The following PRKN variants were observed in gnomAD, a reference collection of about 807,000 sequenced individuals.
The protein encoded by PRKN is parkin RBR E3 ubiquitin protein ligase.
In PRKN, 56 loss-of-function variants were observed where a neutral mutation model predicts 59.5. The ratio of observed to expected loss-of-function variants is 0.94; its 90% CI spans 0.76 to 1.18. The LOEUF is 1.18. PRKN is among the 50% of genes most tolerant of loss of function. The probability of loss-of-function intolerance (pLI) is 0.00; values close to 1 mark genes in which losing one functional copy is unlikely to be tolerated. For synonymous variants in PRKN, 250 were observed against 222.1 expected (o/e 1.13, Z -1.12); for missense variants, 657 against 596.4 (o/e 1.10, Z -1.06).
At chr6:161,915,538 T>A (rs1236136807) in intron 6 of PRKN, among the ~76,000 whole-genome samples, 2 of 152,226 alleles carry the variant, frequency 1.3e-5, no homozygotes, top group East Asian at 3.8e-4. Context: ...ATCTCTTTTG[T>A]GTCAACCCTG....
intron 10 of PRKN, among the ~76,000 whole-genome samples, chr6:161,375,834 T>C (rs1785675263): frequency 6.6e-6 from 1 of 152,194 alleles, no homozygotes; most frequent in Non-Finnish European, 1.5e-5. Flanking sequence ...ACGCGCTGGC[T>C]TTAATGGAGA....
At chr6:162,727,516 GCGGCGCGGGCCGGGGA>G in intron 1 of PRKN, 130 bp downstream of exon 1, 1 of 892,920 alleles carries the variant, frequency 1.1e-6, no homozygotes, top group Admixed American at 2.5e-5. Context: ...GGGGAGCCCG[GCGGCGCGGGCCGGGGA>G]CGGCACGGGC....
In PRKN at chr6:161,499,866, T is replaced by G. The variant is rs753849997; in HGVS notation, c.1083+48988A>C. The stretch of plus-strand genomic sequence containing the variant: ...TTGGATGCCAAAATGCTATGATTTC[T>G]GAAATGGTGTCCAGGAATAATACAA... On this transcript the variant is annotated intron_variant, in intron 9 of 11. Transcript: ENST00000366898. The surrounding 1 kb of genome is among the most constrained non-coding windows in gnomAD (Gnocchi z 4.2). Among the ~76,000 whole-genome samples, 1 of 152,220 alleles carries G rather than the reference T, an allele frequency of 6.6e-6. No homozygotes were observed. The highest frequency in any genetic ancestry group is 1.5e-5 in the Non-Finnish European group (1 of 68,044).
At chr6:161,604,974 T>C (rs1782226631) in intron 7 of PRKN, among the ~76,000 whole-genome samples, 1 of 152,176 alleles carries the variant, frequency 6.6e-6, no homozygotes, top group Non-Finnish European at 1.5e-5. Flanking sequence ...AGAGACACCA[T>C]AAAGGGATTT....
At chr6:161,893,378 G>T (rs111693450) in intron 6 of PRKN, among the ~76,000 whole-genome samples, 2 of 152,152 alleles carry the variant, frequency 1.3e-5, no homozygotes, top group Admixed American at 1.3e-4. Flanking sequence ...CTGTTCACAC[G>T]CCATGAAGTT....
intron 5 of PRKN, among the ~76,000 whole-genome samples, chr6:162,052,784 T>C (rs1014935657): frequency 2.1e-4 from 32 of 151,018 alleles, no homozygotes; most frequent in African/African-American, 7.5e-4. Context: ...CCCTAAAAAC[T>C]TGTAAGCATA....
intron 9 of PRKN, among the ~76,000 whole-genome samples, chr6:161,476,974 T>C (rs1791114843): frequency 6.6e-6 from 1 of 152,190 alleles, no homozygotes; most frequent in Admixed American, 6.5e-5. Context: ...GCAGTTCTAA[T>C]GAGGCAGTAA....
chr6:161,891,392 T>A (rs1007899246), intron 6 of PRKN, among the ~76,000 whole-genome samples: 1 of 152,248 alleles, frequency 6.6e-6, no homozygotes. Context: ...GAAGCTGAGA[T>A]GCCAGTGAGT....
chr6:162,480,796 T>C (rs2128182081), intron 1 of PRKN, among the ~76,000 whole-genome samples: 1 of 152,172 alleles, frequency 6.6e-6, no homozygotes, highest in South Asian at 2.1e-4. Flanking sequence ...AAGGAGACAG[T>C]GTATTTTAAC....
At chr6:161,671,425 T>C (rs1338563603) in intron 7 of PRKN, among the ~76,000 whole-genome samples, 3 of 152,190 alleles carry the variant, frequency 2.0e-5, no homozygotes, top group South Asian at 2.1e-4. Context: ...ATCCGCGGCA[T>C]GGAGCTTCTT....
intron 2 of PRKN, among the ~76,000 whole-genome samples, chr6:162,396,146 G>T (rs1787464047): frequency 6.6e-6 from 1 of 152,202 alleles, no homozygotes; most frequent in Non-Finnish European, 1.5e-5. Context: ...TTCACTTCCA[G>T]GCAGTCCTTG....
At chr6:162,552,517 A>G (rs185904755) in intron 1 of PRKN, among the ~76,000 whole-genome samples, 1 of 152,246 alleles carries the variant, frequency 6.6e-6, no homozygotes, top group East Asian at 1.9e-4. Context: ...TACTTCGGCA[A>G]TTATGTGGAA....
At chr6:161,965,796 C>G (rs891709290) in intron 6 of PRKN, among the ~76,000 whole-genome samples, 11 of 151,974 alleles carry the variant, frequency 7.2e-5, no homozygotes, top group Non-Finnish European at 1.0e-4. Flanking sequence ...TTGAGTTTGT[C>G]TAAAGACCTG....
chr6:162,541,140 T>G (rs1778911136), intron 1 of PRKN, among the ~76,000 whole-genome samples: 1 of 152,164 alleles, frequency 6.6e-6, no homozygotes, highest in Non-Finnish European at 1.5e-5. Context: ...TGCCAGAGGT[T>G]GTTCTGGGCT....
intron 1 of PRKN, among the ~76,000 whole-genome samples, chr6:162,712,695 T>C (rs780219115): frequency 5.3e-5 from 8 of 152,222 alleles, no homozygotes; most frequent in Admixed American, 6.5e-5. Flanking sequence ...TTGCACCACA[T>C]AGGGCATATG....
At chr6:161,993,326 A>C (rs1781722344) in intron 5 of PRKN, among the ~76,000 whole-genome samples, 1 of 152,158 alleles carries the variant, frequency 6.6e-6, no homozygotes. Flanking sequence ...AAACAACTAC[A>C]TGCCAACAAA....
chr6:162,727,575 G>C (rs1057350942), intron 1 of PRKN, 87 bp downstream of exon 1: 1 of 1,380,268 alleles, frequency 7.2e-7, no homozygotes, highest in African/African-American at 1.4e-5. Flanking sequence ...TTGGCACCGG[G>C]GGTCCTGGTC....
intron 4 of PRKN, among the ~76,000 whole-genome samples, chr6:162,185,217 C>T (rs1272342078): frequency 6.6e-6 from 1 of 152,092 alleles, no homozygotes; most frequent in East Asian, 1.9e-4. Context: ...TTTCCAAGTT[C>T]AATACAATGC....
At position 161,794,464 on chromosome 6, in the gene PRKN, T is replaced by C. The variant is rs532831437; in HGVS notation, c.735-8556A>G. Among the ~76,000 whole-genome samples the C allele has an allele frequency of 2.0e-3, 305 of 152,222 alleles. 1 individual carries two copies. The highest frequency in any genetic ancestry group is 7.0e-3 in the African/African-American group (292 of 41,518). The stretch of plus-strand genomic sequence containing the variant: ...CCCTCTTCCCTCCCTGGACCCCCTG[T>C]CTGATCCCAGCAGCTCACCCCAGCA... On this transcript the variant is annotated intron_variant, in intron 6 of 11. Transcript: ENST00000366898.
Sources: gnomAD v4.1 joint callset for allele counts (sites outside exome capture counted in the v4.1 genomes callset) on GRCh38, gnomAD v4.1.1 for gene constraint, Gnocchi (gnomAD v3.1) non-coding constraint, MANE v1.5 for transcripts, NCBI Gene and HGNC (gene_info 2026-07-23, HGNC 2026-07-21) for gene names.